SEC14L1: variants seen among roughly 807,000 people sequenced by gnomAD.
SEC14L1 encodes SEC14 like lipid binding 1, also known as SEC14-like protein 1.
Under a neutral mutation model 85.3 loss-of-function variants are expected in SEC14L1, and 48 were observed. The observed-to-expected ratio is 0.56, with a 90% CI of 0.45 to 0.72. The LOEUF is 0.72. Ranked by LOEUF, SEC14L1 falls within the 30% of genes least tolerant of loss-of-function variation. SEC14L1 has a pLI of 0.00. For synonymous variants in SEC14L1, 391 were observed against 355.5 expected (o/e 1.10, Z -1.12); for missense variants, 682 against 921.4 (o/e 0.74, Z 3.36).
intron 3 of SEC14L1, among the ~76,000 whole-genome samples, chr17:77,161,111 G>A (rs1422546439): frequency 1.3e-5 from 2 of 152,166 alleles, no homozygotes; most frequent in Non-Finnish European, 2.9e-5. Flanking sequence ...CCCATGAAAT[G>A]TATGTTGTTT....
At chr17:77,089,158 A>G (rs911800851) in exon 2 of SEC14L1, 3 of 347,376 alleles carry the variant, frequency 8.6e-6, no homozygotes, top group African/African-American at 4.4e-5. Flanking sequence ...CCAAGGTTTC[A>G]ACAGAAAATG....
At position 77,212,038 on chromosome 17, in the gene SEC14L1, C is replaced by T; in HGVS notation, c.1700C>T (p.Ser567Phe). ...GACATTGTGTTTAACATCTATCACTCCAAGAGGTCGCCACAACCACCCAAA... is the reference window on the plus strand; with the variant it reads ...GACATTGTGTTTAACATCTATCACTTCAAGAGGTCGCCACAACCACCCAAA... ...KGDIVFNIYH[S>F]KRSPQPPKKD... The change falls in exon 15 of 17, where the codon TCC becomes TTC. Residue 567 changes from serine to phenylalanine, a missense_variant. By Grantham distance (155) the Ser-to-Phe change is radical. Transcript: ENST00000436233. The T allele has an allele frequency of 6.2e-7, 1 of 1,614,130 alleles. No homozygotes were observed.
In SEC14L1 at chr17:77,211,724, A is replaced by G. The variant is rs149422052; in HGVS notation, c.1612-226A>G. The stretch of plus-strand genomic sequence containing the variant: ...TGGGAGATCTTGGACCTCTAGGTGC[A>G]GGTCACAAAGAACACAGAGCTTGGT... On this transcript the variant is annotated intron_variant, in intron 14 of 16. Transcript: ENST00000436233. 1.1e-3 allele frequency: 625 copies of G among 580,562 alleles called. No homozygotes were observed. The African/African-American group carries it at 0.011, about 10-fold the overall frequency. 36.0% of individuals were successfully genotyped at this position (580,562 alleles called of 1,614,324 possible). A position where few individuals can be genotyped will look rare whatever the true frequency, so the allele number is the denominator to read the frequency against.
rs1358362638 is a variant in SEC14L1 at position 77,214,606 on chromosome 17, C to T, written c.*583C>T. On this transcript the variant is annotated 3_prime_UTR_variant, in exon 17 of 17. Coordinates refer to ENST00000436233, the MANE Select transcript of SEC14L1 (RefSeq NM_001143998.2). Reference sequence around the variant, plus strand: ...ACCTTGTCCCAGGGCCAGACACACCCACACCACCCACTGTCCTGCAGTGGG... The same window carrying T: ...ACCTTGTCCCAGGGCCAGACACACCTACACCACCCACTGTCCTGCAGTGGG... The T allele has an allele frequency of 1.0e-6, 1 of 986,788 alleles. No individual in the cohort carries two copies. The highest frequency in any genetic ancestry group is 1.7e-5 in the African/African-American group (1 of 57,252). 61.1% of individuals were successfully genotyped at this position (986,788 alleles called of 1,614,324 possible).
intron 3 of SEC14L1, among the ~76,000 whole-genome samples, chr17:77,095,607 A>G (rs933687714): frequency 7.2e-5 from 11 of 152,132 alleles, no homozygotes; most frequent in Non-Finnish European, 1.6e-4. Flanking sequence ...GCGGGTGGTC[A>G]GGAGTTCGAA....
At chr17:77,104,104 C>T (rs1971846450) in intron 3 of SEC14L1, among the ~76,000 whole-genome samples, 1 of 151,140 alleles carries the variant, frequency 6.6e-6, no homozygotes, top group South Asian at 2.1e-4. Context: ...ATCCAAAGGA[C>T]TCTTTTTTGT....
At chr17:77,134,659 A>G (rs1438331348) in intron 3 of SEC14L1, among the ~76,000 whole-genome samples, 1 of 152,236 alleles carries the variant, frequency 6.6e-6, no homozygotes, top group Non-Finnish European at 1.5e-5. Context: ...TGAACCCAGG[A>G]GGCGGATGTT....
Position 77,215,749 on chromosome 17 carries a change from A to G in SEC14L1, c.*1726A>G. On this transcript the variant is annotated 3_prime_UTR_variant, in exon 17 of 17. Transcript: ENST00000436233. ...GTAGGTAGGGCTAGTAGGTAGGGTT[A>G]GTAGGTAGGGCTAGTAGGTAGGGCT... The G allele has an allele frequency of 2.0e-6, 2 of 983,344 alleles. No homozygotes were observed. Among genetic ancestry groups the G allele is most frequent in the Non-Finnish European group, 2.4e-6 (2 of 829,282 alleles). 60.9% of individuals were successfully genotyped at this position (983,344 alleles called of 1,614,324 possible). A position where few individuals can be genotyped will look rare whatever the true frequency, so the allele number is the denominator to read the frequency against.
intron 3 of SEC14L1, among the ~76,000 whole-genome samples, chr17:77,151,042 A>G (rs1001424299): frequency 1.3e-5 from 2 of 152,074 alleles, no homozygotes; most frequent in Non-Finnish European, 2.9e-5. Context: ...GTTAGGTGTG[A>G]TATTGAAATA....
At chr17:77,119,915 G>A (rs984703751) in intron 3 of SEC14L1, among the ~76,000 whole-genome samples, 6 of 152,112 alleles carry the variant, frequency 3.9e-5, no homozygotes, top group African/African-American at 7.2e-5. Context: ...GAACAACTTC[G>A]GGAATCTGAC....
rs569720315 is a variant in SEC14L1, at chr17:77,116,571, T to C, written c.-136+23224T>C. Reference sequence around the variant, plus strand: ...CTGCTCCTGTCTGAACAGAGAGCCATGTGACGGACCTGGTTTTCAGCCCCT... The same window carrying C: ...CTGCTCCTGTCTGAACAGAGAGCCACGTGACGGACCTGGTTTTCAGCCCCT... On this transcript the variant is annotated intron_variant, in intron 3 of 19. Transcript: ENST00000392476. 5.9e-5 allele frequency among the ~76,000 whole-genome samples: 9 copies of C among 152,320 alleles called. No individual in the cohort carries two copies. The South Asian group carries it at 1.9e-3, about 32-fold the overall frequency.
chr17:77,191,410 AG>A, intron 5 of SEC14L1, 98 bp downstream of exon 5: 3 of 1,353,666 alleles, frequency 2.2e-6, no homozygotes, highest in Non-Finnish European at 3.1e-6. Context: ...TTTGTCTTAG[AG>A]GGCAGTTCTT....
At chr17:77,196,117 C>T in intron 7 of SEC14L1, 85 bp from the exon 8 acceptor site, 1 of 1,028,624 alleles carries the variant, frequency 9.7e-7, no homozygotes, top group South Asian at 1.3e-5. Flanking sequence ...TCTAGGACCA[C>T]ACGTTAACTC....
intron 3 of SEC14L1, among the ~76,000 whole-genome samples, chr17:77,113,911 G>A (rs1432294047): frequency 1.3e-5 from 2 of 152,170 alleles, no homozygotes; most frequent in Non-Finnish European, 2.9e-5. Flanking sequence ...CTGCAGTACA[G>A]CAAAGAGTTA....
chr17:77,139,719 C>T (rs1212829828), upstream of SEC14L1, among the ~76,000 whole-genome samples: 1 of 151,724 alleles, frequency 6.6e-6, no homozygotes, highest in African/African-American at 2.4e-5. Context: ...AGGATGGTCT[C>T]GATCTCCTGA....
chr17:77,097,931 T>C (rs1971684998), intron 3 of SEC14L1, among the ~76,000 whole-genome samples: 1 of 152,150 alleles, frequency 6.6e-6, no homozygotes, highest in African/African-American at 2.4e-5. Context: ...CAATTTTAGA[T>C]GGGTGGCCTT....
intron 3 of SEC14L1, among the ~76,000 whole-genome samples, chr17:77,170,975 G>A (rs1252019975): frequency 2.0e-5 from 3 of 152,162 alleles, no homozygotes; most frequent in Non-Finnish European, 4.4e-5. Flanking sequence ...TACCCAGTGG[G>A]TGAGATGATC....
At chr17:77,180,270 AT>A (rs1488953375) in intron 3 of SEC14L1, among the ~76,000 whole-genome samples, 1 of 150,198 alleles carries the variant, frequency 6.7e-6, no homozygotes, top group Non-Finnish European at 1.5e-5. Flanking sequence ...TGCCCAGCTG[AT>A]TTTTCTGTTT....
intron 3 of SEC14L1, among the ~76,000 whole-genome samples, chr17:77,105,645 A>G (rs1224187135): frequency 6.6e-6 from 1 of 152,176 alleles, no homozygotes; most frequent in Admixed American, 6.6e-5. Flanking sequence ...AACTGACCAA[A>G]GAAAGATTCA....
Sources: allele counts gnomAD v4.1 joint callset (sites outside exome capture counted in the v4.1 genomes callset), GRCh38; gene constraint gnomAD v4.1.1; transcripts MANE v1.5; gene names NCBI Gene and HGNC (gene_info 2026-07-23, HGNC 2026-07-21).